The following PHEX variants were observed in gnomAD, a reference collection of about 807,000 sequenced individuals.
The protein encoded by PHEX is phosphate regulating endopeptidase X-linked, also known as phosphate-regulating neutral endopeptidase PHEX.
In PHEX, 16 loss-of-function variants were observed where a neutral mutation model predicts 68.0. The ratio of observed to expected loss-of-function variants is 0.24; its 90% CI spans 0.16 to 0.36. The LOEUF is 0.36. Among genes scored for constraint, PHEX ranks in the 10% least tolerant of loss-of-function variants. The pLI is 1.00. For missense variants in PHEX, 480 were observed against 575.5 expected (o/e 0.83, Z 1.70); for synonymous variants, 208 against 205.1 (o/e 1.01, Z -0.12).
intron 16 of PHEX, among the ~76,000 whole-genome samples, chrX:22,216,344 T>A (rs144668451): frequency 2.7e-3 from 302 of 111,591 alleles, no homozygotes; most frequent in African/African-American, 9.0e-3. Context: ...ACTGAGTAAT[T>A]AGAACAAAAG....
At chrX:22,103,664 A>G (rs111604763) in intron 9 of PHEX, among the ~76,000 whole-genome samples, 3 of 112,296 alleles carry the variant, frequency 2.7e-5, no homozygotes, top group East Asian at 2.8e-4. Context: ...GTAGTATTCC[A>G]TGGTGTATAT....
At chrX:22,106,034 A>G (rs1216097316) in intron 9 of PHEX, among the ~76,000 whole-genome samples, 1 of 110,968 alleles carries the variant, frequency 9.0e-6, no homozygotes, top group Non-Finnish European at 1.9e-5. Context: ...TCTCTGTTTG[A>G]TTTATTGCCA....
intron 3 of PHEX, among the ~76,000 whole-genome samples, chrX:22,057,424 T>TA (rs1376789832): frequency 1.3e-4 from 14 of 110,458 alleles, no homozygotes; most frequent in African/African-American, 4.6e-4. Flanking sequence ...GCCAACAGAA[T>TA]AAAAAACAAC....
At chrX:22,078,746 G>A (rs1929265621) in intron 5 of PHEX, among the ~76,000 whole-genome samples, 1 of 111,936 alleles carries the variant, frequency 8.9e-6, no homozygotes, top group African/African-American at 3.2e-5. Context: ...GTCTGGGAAA[G>A]CAACTGCAGA....
At chrX:22,211,412 TGA>T (rs1203225362) in intron 15 of PHEX, among the ~76,000 whole-genome samples, 1 of 112,224 alleles carries the variant, frequency 8.9e-6, no homozygotes, top group Non-Finnish European at 1.9e-5. Context: ...GTCATTAGCC[TGA>T]GTGTTACTTT....
chrX:22,246,416 C>A (rs1399456499), intron 21 of PHEX, among the ~76,000 whole-genome samples: 3 of 111,782 alleles, frequency 2.7e-5, no homozygotes, highest in Non-Finnish European at 5.6e-5. Flanking sequence ...TTCTTAAGAT[C>A]TTGCCTTAGA....
intron 3 of PHEX, among the ~76,000 whole-genome samples, chrX:22,056,915 C>T: frequency 9.1e-6 from 1 of 109,896 alleles, no homozygotes; most frequent in Non-Finnish European, 1.9e-5. Context: ...AGCCGCTAGC[C>T]ACTGTGGCTT....
chrX:22,070,466 G>T (rs1339816586), intron 3 of PHEX, among the ~76,000 whole-genome samples: 1 of 111,642 alleles, frequency 9.0e-6, no homozygotes, highest in African/African-American at 3.3e-5. Context: ...GATCACTTGA[G>T]ACTAGGAATT....
intron 11 of PHEX, among the ~76,000 whole-genome samples, chrX:22,119,746 C>T (rs971644279): frequency 2.7e-5 from 3 of 109,109 alleles, no homozygotes; most frequent in African/African-American, 1.0e-4. Flanking sequence ...GTGTGCACCA[C>T]CAGGCCCAGC....
intron 3 of PHEX, among the ~76,000 whole-genome samples, chrX:22,054,091 TAGTA>T (rs1206359612): frequency 1.8e-5 from 2 of 112,263 alleles, no homozygotes; most frequent in African/African-American, 3.2e-5. Flanking sequence ...GTTGTATGTA[TAGTA>T]GAGCTTTGAC....
In PHEX at chrX:22,185,756, G is replaced by GTTTTTTTTTTTTTTTT. The variant is rs3085228; in HGVS notation, c.1587-4686_1587-4671dup. On this transcript the variant is annotated intron_variant, in intron 14 of 21. Coordinates refer to ENST00000379374, the MANE Select transcript of PHEX (RefSeq NM_000444.6). The stretch of plus-strand genomic sequence containing the variant: ...CTCAGCTGCATGGTTCTCGTTTGTG[G>GTTTTTTTTTTTTTTTT]TTTTTTTTTTTTTTTTTGGACACAG... Among the ~76,000 whole-genome samples, 300 of 87,719 alleles carry GTTTTTTTTTTTTTTTT rather than the reference G, an allele frequency of 3.4e-3. 23 individuals are homozygous for GTTTTTTTTTTTTTTTT. The highest frequency in any genetic ancestry group is 0.015 in the African/African-American group (289 of 19,897). The allele number at this position is 87,719 out of a possible 115,157, so 76.2% of individuals were successfully genotyped here.
chrX:22,133,430 A>C (rs1932097439), intron 11 of PHEX, 93 bp from the exon 12 acceptor site: 1 of 612,047 alleles, frequency 1.6e-6, no homozygotes. Flanking sequence ...TGTTGAGTAA[A>C]GAGTCATTTC....
chrX:22,230,252 T>G (rs1471106540), intron 20 of PHEX, among the ~76,000 whole-genome samples: 6 of 89,819 alleles, frequency 6.7e-5, no homozygotes, highest in Admixed American at 2.5e-4. Flanking sequence ...TTTTTTTTTT[T>G]TTTTTTTTTT....
chrX:22,088,520 T>C (rs1431090226), intron 5 of PHEX, among the ~76,000 whole-genome samples: 1 of 111,538 alleles, frequency 9.0e-6, no homozygotes, highest in African/African-American at 3.3e-5. Flanking sequence ...TAGTGTTTTA[T>C]TGTGGGTTTA....
At chrX:22,088,462 C>T (rs1478000573) in intron 5 of PHEX, among the ~76,000 whole-genome samples, 1 of 111,364 alleles carries the variant, frequency 9.0e-6, no homozygotes, top group Non-Finnish European at 1.9e-5. Flanking sequence ...TTTCCACGTC[C>T]CCACCAGCAG....
chrX:22,077,409 A>G (rs1017946566), intron 4 of PHEX, 67 bp from the exon 5 acceptor site: 1 of 938,918 alleles, frequency 1.1e-6, no homozygotes. Context: ...GAGAAGATGC[A>G]CTTAAATTCT....
rs745474280 is a variant in PHEX at position 22,232,596 on chromosome X, C to CTTTTTTTTTTTTTTTTTTTTTTTTT, written c.2070+4991_2070+5015dup. Among the ~76,000 whole-genome samples, 10 of 18,555 alleles carry CTTTTTTTTTTTTTTTTTTTTTTTTT rather than the reference C, an allele frequency of 5.4e-4. 4 individuals are homozygous for CTTTTTTTTTTTTTTTTTTTTTTTTT. Among genetic ancestry groups the CTTTTTTTTTTTTTTTTTTTTTTTTT allele is most frequent in the Non-Finnish European group, 9.2e-4 (9 of 9,738 alleles). The allele number at this position is 18,555 out of a possible 115,157, so 16.1% of individuals were successfully genotyped here. A position where few individuals can be genotyped will look rare whatever the true frequency, so the allele number is the denominator to read the frequency against. ...TCAGAGATTAGGATTGCCACTTCTGCTTTTTTTTTTTTTTTTTTTTTTTTT... is the reference window on the plus strand; with the variant it reads ...TCAGAGATTAGGATTGCCACTTCTGCTTTTTTTTTTTTTTTTTTTTTTTTTTTTTTTTTTTTTTTTTTTTTTTTTT... On this transcript the variant is annotated intron_variant, in intron 20 of 21. Transcript: ENST00000379374.
intron 12 of PHEX, among the ~76,000 whole-genome samples, chrX:22,140,206 T>C (rs1055004537): frequency 9.0e-6 from 1 of 111,292 alleles, no homozygotes; most frequent in African/African-American, 3.3e-5. Flanking sequence ...AGTGATTGTC[T>C]TACCTCTTAC....
intron 1 of PHEX, among the ~76,000 whole-genome samples, chrX:22,037,969 C>T (rs992508856): frequency 9.0e-6 from 1 of 111,336 alleles, no homozygotes; most frequent in Non-Finnish European, 1.9e-5. Flanking sequence ...GAGTTATAAA[C>T]CAATAGAGTG....
Sources: allele counts gnomAD v4.1 joint callset (sites outside exome capture counted in the v4.1 genomes callset), GRCh38; gene constraint gnomAD v4.1.1; transcripts MANE v1.5; gene names NCBI Gene and HGNC (gene_info 2026-07-23, HGNC 2026-07-21).